The following GLYR1 variants were observed in gnomAD, a reference collection of about 807,000 sequenced individuals.
GLYR1 encodes the protein glyoxylate reductase 1 homolog.
In GLYR1, 21 loss-of-function variants were observed where a neutral mutation model predicts 72.7. That is an observed-to-expected ratio of 0.29 (90% CI 0.20 to 0.42). The LOEUF is 0.42. Among genes scored for constraint, GLYR1 ranks in the 10% least tolerant of loss-of-function variants. The pLI is 1.00. For synonymous variants in GLYR1, 392 were observed against 270.2 expected (o/e 1.45, Z -4.42); for missense variants, 594 against 712.1 (o/e 0.83, Z 1.89).
chr16:4,812,459 C>A (rs922316851), intron 12 of GLYR1, among the ~76,000 whole-genome samples: 1 of 151,946 alleles, frequency 6.6e-6, no homozygotes. Context: ...AGTGATGAGA[C>A]GCTGGGGTCT....
chr16:4,806,260 C>T (rs888204162), intron 15 of GLYR1, among the ~76,000 whole-genome samples: 6 of 152,194 alleles, frequency 3.9e-5, no homozygotes, highest in Non-Finnish European at 8.8e-5. Flanking sequence ...GGTTGAGAAA[C>T]CCTGCCTTAA....
chr16:4,823,715 A>C, intron 6 of GLYR1, 106 bp downstream of exon 6: 1 of 876,908 alleles, frequency 1.1e-6, no homozygotes, highest in South Asian at 1.5e-5. Flanking sequence ...TGTAATAATA[A>C]ATTAAGCCTC....
At chr16:4,842,914 G>A (rs1441863035) in intron 3 of GLYR1, among the ~76,000 whole-genome samples, 1 of 151,878 alleles carries the variant, frequency 6.6e-6, no homozygotes, top group Non-Finnish European at 1.5e-5. Flanking sequence ...TGGCCAGGCT[G>A]TTCTCAAATT....
At chr16:4,835,817 T>G (rs927249959) in intron 3 of GLYR1, among the ~76,000 whole-genome samples, 1 of 151,996 alleles carries the variant, frequency 6.6e-6, no homozygotes, top group Non-Finnish European at 1.5e-5. Flanking sequence ...GGCAACAGAG[T>G]GAGACTCCAC....
At chr16:4,846,095 A>T (rs1421195256) in intron 2 of GLYR1, 79 bp downstream of exon 2, 5 of 1,476,086 alleles carry the variant, frequency 3.4e-6, no homozygotes, top group Non-Finnish European at 4.7e-6. Context: ...AATACTAGAA[A>T]CTGAGAGGAA....
chr16:4,840,903 C>T (rs993594400), intron 3 of GLYR1, among the ~76,000 whole-genome samples: 1 of 152,232 alleles, frequency 6.6e-6, no homozygotes, highest in African/African-American at 2.4e-5. Context: ...TGCCCCAGCA[C>T]TGATCACTAA....
At position 4,811,753 on chromosome 16, in the gene GLYR1, T is replaced by C. The variant is rs764212930; in HGVS notation, c.1332A>G (p.Gln444=). 22 of 1,613,968 alleles carry C rather than the reference T, an allele frequency of 1.4e-5. No homozygotes were observed. In the East Asian group the frequency reaches 3.3e-4, roughly 25 times the overall value. The change falls in exon 14 of 16, where the codon CAA becomes CAG. Residue 444 remains glutamine, a synonymous_variant. Coordinates refer to ENST00000321919, the MANE Select transcript of GLYR1 (RefSeq NM_032569.4). ...CGGCAATAGTGGCCATGAAGCTCCC[T>C]TGGACCATGTTCACGATCAGCATCA... ...AKMMLIVNMV[Q]GSFMATIAEG...
At chr16:4,843,327 G>A (rs937214632) in intron 3 of GLYR1, 1 of 358,496 alleles carries the variant, frequency 2.8e-6, no homozygotes, top group Non-Finnish European at 4.4e-6. Context: ...GCTAATTTTT[G>A]TATTTTTTGT....
rs150993670 is a variant in GLYR1 at position 4,846,974 on chromosome 16, G to T, written c.38+254C>A. ...CTTCACGGGGGCCGCCAGTATCTGG[G>T]CCCCGAGTGCAGACCCCACCCGGCC... On this transcript the variant is annotated intron_variant, in intron 1 of 15. Coordinates refer to ENST00000321919, the MANE Select transcript of GLYR1 (RefSeq NM_032569.4). 4 of 517,996 alleles carry T rather than the reference G, an allele frequency of 7.7e-6. No individual in the cohort carries two copies. In the African/African-American group the frequency reaches 8.2e-5, roughly 11 times the overall value. 32.1% of individuals were successfully genotyped at this position (517,996 alleles called of 1,614,324 possible).
chr16:4,808,823 G>C (rs915267377), intron 15 of GLYR1, among the ~76,000 whole-genome samples: 2 of 151,832 alleles, frequency 1.3e-5, no homozygotes, highest in Non-Finnish European at 2.9e-5. Flanking sequence ...ATGTGAAGTT[G>C]GATACAGTTG....
At chr16:4,847,138 A>C in intron 1 of GLYR1, 90 bp downstream of exon 1, 3 of 1,259,862 alleles carry the variant, frequency 2.4e-6, no homozygotes, top group South Asian at 1.3e-5. Context: ...TGGAGCGCAT[A>C]AAAAGGCAGC....
intron 15 of GLYR1, among the ~76,000 whole-genome samples, chr16:4,808,698 T>C (rs2141942128): frequency 6.6e-6 from 1 of 152,294 alleles, no homozygotes; most frequent in South Asian, 2.1e-4. Flanking sequence ...GTCATTTTTA[T>C]TATAATAATA....
chr16:4,844,113 C>CAAAA, intron 3 of GLYR1, among the ~76,000 whole-genome samples: 1 of 69,208 alleles, frequency 1.4e-5, no homozygotes, highest in African/African-American at 5.0e-5. Flanking sequence ...AACTCCATCT[C>CAAAA]AAAAAAAAAA....
At chr16:4,820,028 C>T (rs982400531) in intron 9 of GLYR1, among the ~76,000 whole-genome samples, 1 of 152,054 alleles carries the variant, frequency 6.6e-6, no homozygotes, top group African/African-American at 2.4e-5. Context: ...GACACAGTCT[C>T]GTTCTGTTGC....
intron 1 of GLYR1, among the ~76,000 whole-genome samples, chr16:4,846,420 A>G (rs1019224560): frequency 3.3e-5 from 5 of 152,246 alleles, no homozygotes; most frequent in Non-Finnish European, 5.9e-5. Flanking sequence ...TCTGTTGACA[A>G]GGAATACAGA....
At chr16:4,836,813 GAAAAA>G (rs111581519) in intron 3 of GLYR1, among the ~76,000 whole-genome samples, 1 of 118,994 alleles carries the variant, frequency 8.4e-6, no homozygotes, top group Non-Finnish European at 1.8e-5. Flanking sequence ...TATTATATTG[GAAAAA>G]AAAAAAAAAA....
Position 4,821,617 on chromosome 16 carries a change from G to C in GLYR1, c.682-20C>G, listed in dbSNP as rs779119967. 4 of 1,612,114 alleles carry C rather than the reference G, an allele frequency of 2.5e-6. No individual in the cohort carries two copies. The South Asian group carries it at 4.4e-5, about 18-fold the overall frequency. ...AGCTGGCTAATGAAGGAGGAGGAAA[G>C]AGACTACTTGTGCTACTGCAGGCTT... On this transcript the variant is annotated intron_variant, in intron 7 of 15. Transcript: ENST00000321919.
At chr16:4,817,526 A>C (rs2083724696) in intron 10 of GLYR1, 72 bp downstream of exon 10, 1 of 882,890 alleles carries the variant, frequency 1.1e-6, no homozygotes, top group Middle Eastern at 2.4e-4. Context: ...CTGAGACAAC[A>C]GGGGGAGATG....
At chr16:4,821,230 TATCG>T in intron 9 of GLYR1, 146 bp downstream of exon 9, 1 of 752,000 alleles carries the variant, frequency 1.3e-6, no homozygotes. Flanking sequence ...CTCCTGTCTT[TATCG>T]ATAAGAGTTA....
Sources: gnomAD v4.1 joint callset for allele counts (sites outside exome capture counted in the v4.1 genomes callset) on GRCh38, gnomAD v4.1.1 for gene constraint, MANE v1.5 for transcripts, NCBI Gene and HGNC (gene_info 2026-07-23, HGNC 2026-07-21) for gene names.